Variants in ROCK2 observed in about 807,000 individuals in gnomAD.
ROCK2 encodes Rho associated coiled-coil containing protein kinase 2.
In ROCK2, 61 loss-of-function variants were observed where a neutral mutation model predicts 195.1. The observed-to-expected ratio is 0.31, with a 90% CI of 0.25 to 0.39. The LOEUF (loss-of-function observed/expected upper bound fraction) is 0.39. Ranked by LOEUF, ROCK2 falls within the 10% of genes least tolerant of loss-of-function variation. ROCK2 has a pLI of 1.00. For synonymous variants in ROCK2, 504 were observed against 545.5 expected, an observed-to-expected ratio of 0.92 and a Z score of 1.06; for missense variants, 1,109 against 1,637.4, an observed-to-expected ratio of 0.68 and a Z score of 5.57.
chr2:11,181,810 A>ATT lies in ROCK2; in HGVS notation c.*1625_*1626dup, dbSNP rs1394813716. 6.6e-6 allele frequency: 1 copy of ATT among 151,502 alleles called. No individual in the cohort carries two copies. The highest frequency in any genetic ancestry group is 6.6e-5 in the Admixed American group (1 of 15,198). The allele number at this position is 151,502 out of a possible 1,614,324, so 9.4% of individuals were successfully genotyped here. On this transcript the variant is annotated 3_prime_UTR_variant, in exon 33 of 33. Transcript: ENST00000315872. ...CATCATGCCCGGCTAATTTTTGTATATTGGTAGAGACGGAGTTTCACTATG... is the reference window on the plus strand; with the variant it reads ...CATCATGCCCGGCTAATTTTTGTATATTTTGGTAGAGACGGAGTTTCACTATG...
chr2:11,248,708 C>CAAAAAAAAAA lies in ROCK2; in HGVS notation c.462+943_462+952dup, dbSNP rs70953372. Among the ~76,000 whole-genome samples the CAAAAAAAAAA allele has an allele frequency of 5.3e-3, 241 of 45,414 alleles. 5 individuals are homozygous for CAAAAAAAAAA. Among genetic ancestry groups the CAAAAAAAAAA allele is most frequent in the East Asian group, 0.01 (13 of 1,294 alleles). 29.8% of individuals were successfully genotyped at this position (45,414 alleles called of 152,430 possible). On this transcript the variant is annotated intron_variant, in intron 4 of 32. Transcript: ENST00000315872. The stretch of plus-strand genomic sequence containing the variant: ...TGAGCAACAGAGCAAGACTTCATCT[C>CAAAAAAAAAA]AAAAAAAAAAAAAAAAAAAAAAAAA...
At chr2:11,320,696 T>C (rs1668373701) in intron 1 of ROCK2, among the ~76,000 whole-genome samples, 1 of 152,146 alleles carries the variant, frequency 6.6e-6, no homozygotes, top group African/African-American at 2.4e-5. Context: ...ATGATAACTT[T>C]CAAGACACTG....
At position 11,344,443 on chromosome 2, in the gene ROCK2, C is replaced by T. The variant is rs1399746798; in HGVS notation, c.-307G>A. 9.7e-7 allele frequency: 1 copy of T among 1,034,968 alleles called. No individual in the cohort carries two copies. Among genetic ancestry groups the T allele is most frequent in the Non-Finnish European group, 1.2e-6 (1 of 863,068 alleles). 64.1% of individuals were successfully genotyped at this position (1,034,968 alleles called of 1,614,324 possible). On this transcript the variant is annotated 5_prime_UTR_variant, in exon 1 of 33. Transcript: ENST00000315872. This position sits in a 1 kb window ranked among gnomAD's most constrained non-coding sequence, Gnocchi z 5.4. ...GTCCTCAGCGAGTGCCCGCAGGAGT[C>T]CTCGGGCGGGAGCAGGGAAGTGGCG...
chr2:11,288,444 G>A (rs1246943154), intron 1 of ROCK2, among the ~76,000 whole-genome samples: 2 of 152,136 alleles, frequency 1.3e-5, no homozygotes, highest in Non-Finnish European at 2.9e-5. Flanking sequence ...TCAACGCCAA[G>A]TAACTCTGTG....
chr2:11,327,135 C>A (rs1668573799), intron 1 of ROCK2, among the ~76,000 whole-genome samples: 1 of 152,006 alleles, frequency 6.6e-6, no homozygotes, highest in Non-Finnish European at 1.5e-5. Context: ...ACAAACTGAT[C>A]CAGAACTTAG....
In ROCK2 at chr2:11,236,386, A is replaced by T. The variant is rs190777437; in HGVS notation, c.463-424T>A. Among the ~76,000 whole-genome samples, 439 of 152,330 alleles carry T rather than the reference A, an allele frequency of 2.9e-3. 1 individual carries two copies. Among genetic ancestry groups the T allele is most frequent in the Non-Finnish European group, 4.1e-3 (282 of 68,024 alleles). ...AGAGGAGGTAGGAGCAATTTAAAAA[A>T]ATCTAGAGATACTAGATTCAACGGA... On this transcript the variant is annotated intron_variant, in intron 4 of 32. Transcript: ENST00000315872.
intron 1 of ROCK2, among the ~76,000 whole-genome samples, chr2:11,289,735 C>T (rs1388063455): frequency 1.3e-5 from 2 of 152,100 alleles, no homozygotes; most frequent in Non-Finnish European, 2.9e-5. Flanking sequence ...AGAATGAAAT[C>T]CTTGCTCCCC....
chr2:11,287,584 T>C (rs1043341578), intron 2 of ROCK2, 71 bp downstream of exon 2: 6 of 435,738 alleles, frequency 1.4e-5, no homozygotes, highest in Middle Eastern at 6.3e-4. Flanking sequence ...TATAGGCTGA[T>C]AATAACCAAA....
intron 1 of ROCK2, among the ~76,000 whole-genome samples, chr2:11,332,094 G>A (rs913217459): frequency 1.3e-5 from 2 of 151,750 alleles, no homozygotes; most frequent in African/African-American, 4.8e-5. Context: ...AGTGAGCTAT[G>A]ATCACACTGC....
chr2:11,239,029 T>C (rs944736948), intron 4 of ROCK2, among the ~76,000 whole-genome samples: 2 of 151,998 alleles, frequency 1.3e-5, no homozygotes, highest in African/African-American at 4.8e-5. Flanking sequence ...CAAAATATTT[T>C]TAGACCCTTA....
chr2:11,219,041 G>A lies in ROCK2; in HGVS notation c.1260-15C>T. On this transcript the variant is annotated splice_polypyrimidine_tract_variant and intron_variant, in intron 9 of 32. Transcript: ENST00000315872. Reference sequence around the variant, plus strand: ...CACTTAATAATCTACATGGAAGGGGGGAGAAAATAAATTTTTTCATTTCAT... The same window carrying A: ...CACTTAATAATCTACATGGAAGGGGAGAGAAAATAAATTTTTTCATTTCAT... The A allele has an allele frequency of 1.5e-6, 2 of 1,378,584 alleles. No individual in the cohort carries two copies. Among genetic ancestry groups the A allele is most frequent in the South Asian group, 1.4e-5 (1 of 69,900 alleles). The allele number at this position is 1,378,584 out of a possible 1,614,324, so 85.4% of individuals were successfully genotyped here. A position where few individuals can be genotyped will look rare whatever the true frequency, so the allele number is the denominator to read the frequency against.
intron 3 of ROCK2, among the ~76,000 whole-genome samples, chr2:11,269,299 A>T (rs1489127162): frequency 6.6e-6 from 1 of 151,900 alleles, no homozygotes; most frequent in Non-Finnish European, 1.5e-5. Flanking sequence ...ATCACCTGAG[A>T]TCAGGAGTTT....
At chr2:11,220,339 G>A (rs1037098904) in intron 9 of ROCK2, among the ~76,000 whole-genome samples, 28 of 151,978 alleles carry the variant, frequency 1.8e-4, no homozygotes, top group Admixed American at 1.6e-3. Flanking sequence ...TGTAAAGACA[G>A]GGTTCCACTT....
chr2:11,188,995 C>T (rs1663313176), intron 32 of ROCK2, among the ~76,000 whole-genome samples: 1 of 151,310 alleles, frequency 6.6e-6, no homozygotes, highest in Non-Finnish European at 1.5e-5. Context: ...CGAGATCACG[C>T]CACTACACTC....
intron 10 of ROCK2, 42 bp from the exon 11 acceptor site, chr2:11,218,508 G>T: frequency 7.4e-7 from 1 of 1,356,746 alleles, no homozygotes. Context: ...ATACTAAAAT[G>T]ATGGTTATAT....
intron 3 of ROCK2, among the ~76,000 whole-genome samples, chr2:11,273,922 C>A: frequency 8.0e-6 from 1 of 125,114 alleles, no homozygotes. Context: ...GAGCAAGACT[C>A]CATCTCAAAA....
intron 3 of ROCK2, among the ~76,000 whole-genome samples, chr2:11,272,550 G>A (rs1666675711): frequency 6.6e-6 from 1 of 152,120 alleles, no homozygotes; most frequent in Non-Finnish European, 1.5e-5. Flanking sequence ...GTAATTCTGT[G>A]ACAGCAACTG....
At chr2:11,284,084 G>A (rs767080119) in intron 3 of ROCK2, among the ~76,000 whole-genome samples, 8 of 152,146 alleles carry the variant, frequency 5.3e-5, no homozygotes, top group African/African-American at 1.2e-4. Context: ...AAAGTAATAA[G>A]CTAAAGGATC....
chr2:11,317,940 T>C (rs1266621722), intron 1 of ROCK2, among the ~76,000 whole-genome samples: 2 of 152,052 alleles, frequency 1.3e-5, no homozygotes, highest in African/African-American at 2.4e-5. Flanking sequence ...GCAAAGGACA[T>C]GAACTCATCC....
Sources: gnomAD v4.1 joint callset for allele counts (sites outside exome capture counted in the v4.1 genomes callset) on GRCh38, gnomAD v4.1.1 for gene constraint, Gnocchi (gnomAD v3.1) non-coding constraint, MANE v1.5 for transcripts, NCBI Gene and HGNC (gene_info 2026-07-23, HGNC 2026-07-21) for gene names.